Variants in RHBDD2 observed in about 807,000 individuals in gnomAD.
RHBDD2 encodes rhomboid domain-containing protein 2.
RHBDD2 carries 13 observed loss-of-function variants against 21.7 expected under a neutral mutation model. The ratio of observed to expected loss-of-function variants is 0.60; its 90% CI spans 0.39 to 0.95. The LOEUF (loss-of-function observed/expected upper bound fraction) is 0.95. RHBDD2 is among the 40% of genes least tolerant of loss of function. The probability of loss-of-function intolerance (pLI) is 0.00; values close to 1 mark genes in which losing one functional copy is unlikely to be tolerated. For synonymous variants in RHBDD2, 225 were observed against 220.0 expected (o/e 1.02, Z -0.20); for missense variants, 473 against 478.9 (o/e 0.99, Z 0.11).
Position 75,888,307 on chromosome 7 carries a change from G to A in RHBDD2, c.1053G>A (p.Gly351=), listed in dbSNP as rs1554544547. ...ATTCTGGGGCCTTGGGCACACCAGG[G>A]GCTGCAGGCTCCAAGGAGTCCTCCA... The part of the protein sequence containing the change: ...TVYSGALGTP[G]AAGSKESSRV... Residue 351 remains glycine, a synonymous_variant, in exon 4 of 4, where the codon GGG becomes GGA. Transcript: ENST00000006777. 1 of 1,612,700 alleles carries A rather than the reference G, an allele frequency of 6.2e-7. No homozygotes were observed.
At position 75,879,096 on chromosome 7, in the gene RHBDD2, G is replaced by A; in HGVS notation, c.14G>A (p.Gly5Glu). 7.3e-7 allele frequency: 1 copy of A among 1,367,144 alleles called. No individual in the cohort carries two copies. The highest frequency in any genetic ancestry group is 9.5e-7 in the Non-Finnish European group (1 of 1,052,834). 84.7% of individuals were successfully genotyped at this position (1,367,144 alleles called of 1,614,324 possible). ...ACGACGGCGGCCATGGCGGCCTCGG[G>A]GCCCGGGTGTCGCAGCTGGTGCTTG... MAAS[G>E]PGCRSWCLCP... The change falls in exon 1 of 4, where the codon GGG becomes GAG. Residue 5 changes from glycine (G) to glutamate (E), a missense_variant. Gly to Glu is a moderately conservative substitution (Grantham distance 98). Coordinates refer to ENST00000006777, the MANE Select transcript of RHBDD2 (RefSeq NM_001040456.3).
rs557274666 is a variant in RHBDD2 at position 75,884,730 on chromosome 7, A to G, written c.737+882A>G. The stretch of plus-strand genomic sequence containing the variant: ...ACATGTGATCCTGAGTGACTTGTAG[A>G]TAGGCTGGGCAGGAGGGCCCCCATC... On this transcript the variant is annotated intron_variant, in intron 3 of 3. Transcript: ENST00000006777. 1.1e-4 allele frequency among the ~76,000 whole-genome samples: 17 copies of G among 152,328 alleles called. No individual in the cohort carries two copies. In the East Asian group the frequency reaches 2.9e-3, roughly 26 times the overall value.
At chr7:75,884,299 A>G (rs782296698) in intron 3 of RHBDD2, among the ~76,000 whole-genome samples, 2 of 151,954 alleles carry the variant, frequency 1.3e-5, no homozygotes, top group African/African-American at 2.4e-5. Flanking sequence ...ATAGCCCGCT[A>G]CAGCCTCACA....
In RHBDD2 at chr7:75,882,154, G is replaced by T. The variant is rs377724977; in HGVS notation, c.504G>T (p.Pro168=). 25 of 1,614,004 alleles carry T rather than the reference G, an allele frequency of 1.5e-5. No homozygotes were observed. In the African/African-American group the frequency reaches 3.1e-4, roughly 20 times the overall value. Residue 168 remains proline, a synonymous_variant, in exon 2 of 4, where the codon CCG becomes CCT. Coordinates refer to ENST00000006777, the MANE Select transcript of RHBDD2 (RefSeq NM_001040456.3). ...FGMVVPSVLV[P]WLLLGASWLI... Reference sequence around the variant, plus strand: ...TGGTTGTGCCCTCAGTCCTGGTTCCGTGGCTCCTGCTGGGTGCCTCGTGGC... The same window carrying T: ...TGGTTGTGCCCTCAGTCCTGGTTCCTTGGCTCCTGCTGGGTGCCTCGTGGC...
At position 75,888,653 on chromosome 7, in the gene RHBDD2, G is replaced by A. The variant is rs1300907028; in HGVS notation, c.*304G>A. 2.6e-6 allele frequency: 1 copy of A among 391,198 alleles called. No homozygotes were observed. Among genetic ancestry groups the A allele is most frequent in the Non-Finnish European group, 4.7e-6 (1 of 213,032 alleles). The allele number at this position is 391,198 out of a possible 1,614,324, so 24.2% of individuals were successfully genotyped here. A position where few individuals can be genotyped will look rare whatever the true frequency, so the allele number is the denominator to read the frequency against. ...CAGAAGAGGGCAGCAGTTGGCAGTA[G>A]CTGCCGATGTCTGTCCCCAGCTCCA... On this transcript the variant is annotated 3_prime_UTR_variant, in exon 4 of 4. Coordinates refer to ENST00000006777, the MANE Select transcript of RHBDD2 (RefSeq NM_001040456.3).
intron 1 of RHBDD2, 55 bp downstream of exon 1, chr7:75,879,315 G>C: frequency 7.1e-7 from 1 of 1,400,400 alleles, no homozygotes. Flanking sequence ...CGACTTTGCC[G>C]GTTCCTGGGC....
rs782653770 is a variant in RHBDD2 at position 75,881,859 on chromosome 7, A to G, written c.209A>G (p.Tyr70Cys). 6.2e-7 allele frequency: 1 copy of G among 1,611,260 alleles called. No individual in the cohort carries two copies. The highest frequency in any genetic ancestry group is 1.1e-5 in the South Asian group (1 of 90,634). Residue 70 changes from tyrosine to cysteine, a missense_variant, in exon 2 of 4, where the codon TAC becomes TGC. Tyr to Cys is a radical substitution (Grantham distance 194, BLOSUM62 -2). Transcript: ENST00000006777. ...AGGCTGGTAACCTACATCTTTGTCT[A>G]CGAGAATCCCATCTCCCTGCTCTGC... ...VYRLVTYIFVYENPISLLCGA... is the reference protein window; with the variant it reads ...VYRLVTYIFVCENPISLLCGA...
intron 2 of RHBDD2, among the ~76,000 whole-genome samples, chr7:75,883,233 C>T (rs782264899): frequency 5.9e-5 from 9 of 152,086 alleles, no homozygotes; most frequent in Non-Finnish European, 1.2e-4. Flanking sequence ...AAACCTTTGG[C>T]TCTGGGGTCA....
At chr7:75,879,888 A>G (rs1805216226) in intron 1 of RHBDD2, among the ~76,000 whole-genome samples, 1 of 152,198 alleles carries the variant, frequency 6.6e-6, no homozygotes, top group African/African-American at 2.4e-5. Flanking sequence ...AATTAAGTAT[A>G]AACATCCATT....
rs781904491 is a variant in RHBDD2, at chr7:75,881,980, C to T, written c.330C>T (p.Ser110=). Residue 110 remains serine, a synonymous_variant, in exon 2 of 4, where the codon TCC becomes TCT. Transcript: ENST00000006777. Reference sequence around the variant, plus strand: ...TCACCGTGATCTTCGCCATCTTCTCCGCTATCATCTTCCTGTCATTCGAGG... The same window carrying T: ...TCACCGTGATCTTCGCCATCTTCTCTGCTATCATCTTCCTGTCATTCGAGG... ...CFFTVIFAIF[S]AIIFLSFEAV... The T allele has an allele frequency of 8.1e-6, 13 of 1,614,130 alleles. No homozygotes were observed. Among genetic ancestry groups the T allele is most frequent in the Admixed American group, 6.7e-5 (4 of 60,006 alleles).
At position 75,879,042 on chromosome 7, in the gene RHBDD2, G is replaced by T. The variant is rs539406392; in HGVS notation, c.-41G>T. The T allele has an allele frequency of 4.4e-6, 6 of 1,363,428 alleles. No individual in the cohort carries two copies. The highest frequency in any genetic ancestry group is 3.1e-5 in the East Asian group (1 of 32,048). 84.5% of individuals were successfully genotyped at this position (1,363,428 alleles called of 1,614,324 possible). A position where few individuals can be genotyped will look rare whatever the true frequency, so the allele number is the denominator to read the frequency against. Reference sequence around the variant, plus strand: ...GAGGAGGCGGAAGGAGCAGAGGACCGGCAGCCGGCGTCGAGGCGGGGCGCG... The same window carrying T: ...GAGGAGGCGGAAGGAGCAGAGGACCTGCAGCCGGCGTCGAGGCGGGGCGCG... On this transcript the variant is annotated 5_prime_UTR_variant, in exon 1 of 4. Coordinates refer to ENST00000006777, the MANE Select transcript of RHBDD2 (RefSeq NM_001040456.3).
chr7:75,879,743 A>G (rs921785638), intron 1 of RHBDD2, among the ~76,000 whole-genome samples: 49 of 152,154 alleles, frequency 3.2e-4, no homozygotes, highest in African/African-American at 1.2e-3. Context: ...CCCTCTTGAG[A>G]TTTGGAATTT....
At position 75,883,868 on chromosome 7, in the gene RHBDD2, A is replaced by C; in HGVS notation, c.737+20A>C. On this transcript the variant is annotated intron_variant, in intron 3 of 3. Coordinates refer to ENST00000006777, the MANE Select transcript of RHBDD2 (RefSeq NM_001040456.3). Reference sequence around the variant, plus strand: ...CCGGAAGTAAGTGACAGAACTCTTAAGTGCTGTTAAATCTTTTTTAAAAAA... The same window carrying C: ...CCGGAAGTAAGTGACAGAACTCTTACGTGCTGTTAAATCTTTTTTAAAAAA... The C allele has an allele frequency of 1.3e-6, 2 of 1,573,192 alleles. No homozygotes were observed. The highest frequency in any genetic ancestry group is 2.4e-5 in the South Asian group (2 of 84,256).
Position 75,887,988 on chromosome 7 carries a change from C to T in RHBDD2, c.738-4C>T, listed in dbSNP as rs1805782941. ...GGACCATTTTCTCTCTTGTTCCATTCCAGACTGAACCCGGTGCCTGGCTCC... is the reference window on the plus strand; with the variant it reads ...GGACCATTTTCTCTCTTGTTCCATTTCAGACTGAACCCGGTGCCTGGCTCC... On this transcript the variant is annotated splice_polypyrimidine_tract_variant and splice_region_variant and intron_variant, in intron 3 of 3. Coordinates refer to ENST00000006777, the MANE Select transcript of RHBDD2 (RefSeq NM_001040456.3). The T allele has an allele frequency of 6.2e-7, 1 of 1,609,498 alleles. No homozygotes were observed. Among genetic ancestry groups the T allele is most frequent in the Admixed American group, 1.7e-5 (1 of 59,906 alleles).
intron 1 of RHBDD2, chr7:75,881,295 G>A: frequency 4.1e-6 from 5 of 1,212,594 alleles, no homozygotes; most frequent in Non-Finnish European, 5.4e-6. Flanking sequence ...AATCTTTATT[G>A]TTAATGATAG....
intron 3 of RHBDD2, among the ~76,000 whole-genome samples, chr7:75,886,227 C>A (rs1346173874): frequency 6.6e-6 from 1 of 152,180 alleles, no homozygotes; most frequent in African/African-American, 2.4e-5. Flanking sequence ...GTGCTCCCAG[C>A]TGTCAACAGC....
intron 3 of RHBDD2, 40 bp downstream of exon 3, chr7:75,883,888 A>T (rs782402372): frequency 7.3e-5 from 107 of 1,465,562 alleles, no homozygotes; most frequent in East Asian, 2.6e-4. Context: ...AATCTTTTTT[A>T]AAAAAAAAAT....
chr7:75,882,366 A>G, intron 2 of RHBDD2, 130 bp downstream of exon 2: 2 of 851,220 alleles, frequency 2.3e-6, no homozygotes, highest in Non-Finnish European at 3.5e-6. Flanking sequence ...TCTGTCACCC[A>G]GGCTGGAGTG....
chr7:75,880,370 C>A (rs533211857), intron 1 of RHBDD2: 1 of 152,252 alleles, frequency 6.6e-6, no homozygotes, highest in East Asian at 1.9e-4. Flanking sequence ...TTCCCCCCAC[C>A]CTAGGTATAC....
Sources: gnomAD v4.1 joint callset for allele counts (sites outside exome capture counted in the v4.1 genomes callset) on GRCh38, gnomAD v4.1.1 for gene constraint, MANE v1.5 for transcripts, NCBI Gene and HGNC (gene_info 2026-07-23, HGNC 2026-07-21) for gene names.